Variants in NWD1 observed in about 807,000 individuals in gnomAD.
NWD1 encodes NACHT domain- and WD repeat-containing protein 1.
In NWD1, 129 loss-of-function variants were observed where a neutral mutation model predicts 135.1. The ratio of observed to expected loss-of-function variants is 0.96; its 90% CI spans 0.83 to 1.11. The LOEUF (loss-of-function observed/expected upper bound fraction) is 1.11, where lower values mean the gene tolerates loss of function less well. NWD1 is among the 50% of genes least tolerant of loss of function. The probability of loss-of-function intolerance (pLI) is 0.00; values close to 1 mark genes in which losing one functional copy is unlikely to be tolerated. For missense variants in NWD1, 1,740 were observed against 1,851.3 expected (o/e 0.94, Z 1.10); for synonymous variants, 773 against 786.0 (o/e 0.98, Z 0.28).
rs1970472678 is a variant in NWD1, at chr19:16,797,875, G to A, written c.3448G>A (p.Ala1150Thr). Residue 1150 changes from alanine to threonine, a missense_variant, in exon 16 of 19, where the codon GCG becomes ACG. Ala to Thr is a moderately conservative substitution (Grantham distance 58). Coordinates refer to ENST00000524140, the MANE Select transcript of NWD1 (RefSeq NM_001007525.5). Reference sequence around the variant, plus strand: ...CCTGATCATCACGGGGTCCCTTGATGCGCTCATTCAGGTGAGGGGAGATCT... The same window carrying A: ...CCTGATCATCACGGGGTCCCTTGATACGCTCATTCAGGTGAGGGGAGATCT... Reference protein sequence around the residue: ...NNLIITGSLDALIQVWSLSEQ... With the variant: ...NNLIITGSLDTLIQVWSLSEQ... The A allele has an allele frequency of 1.2e-6, 2 of 1,613,684 alleles. No individual in the cohort carries two copies. Among genetic ancestry groups the A allele is most frequent in the African/African-American group, 1.3e-5 (1 of 74,902 alleles).
chr19:16,782,333 G>A (rs116292069), intron 12 of NWD1, among the ~76,000 whole-genome samples: 2,957 of 151,138 alleles, frequency 0.02, 95 homozygotes, highest in African/African-American at 0.065. Context: ...AGGCATGGTG[G>A]TGTGCACCTG....
In NWD1 at chr19:16,744,648, C is replaced by T. The variant is rs759207349; in HGVS notation, c.426C>T (p.Arg142=). The change falls in exon 5 of 19, where the codon CGC becomes CGT. Residue 142 remains arginine, a synonymous_variant. Transcript: ENST00000524140. ...PEEATLTSVL[R]SGAQEARRLG... The stretch of plus-strand genomic sequence containing the variant: ...AGGCCACCTTAACTTCTGTCCTACG[C>T]TCTGGAGCCCAGGAGGCCCGGAGGC... 4.2e-5 allele frequency: 64 copies of T among 1,535,812 alleles called. No individual in the cohort carries two copies. The Middle Eastern group carries it at 5.0e-4, about 12-fold the overall frequency.
In NWD1 at chr19:16,807,744, C is replaced by T. The variant is rs530434388; in HGVS notation, c.3895C>T (p.Arg1299Trp). Reference sequence around the variant, plus strand: ...GATATGCATTCCCCCTCCCGAGGCCCGGAAAGCAATCAACTGCATGTCCCT... The same window carrying T: ...GATATGCATTCCCCCTCCCGAGGCCTGGAAAGCAATCAACTGCATGTCCCT... The part of the protein sequence containing the change: ...DVICIPPPEA[R>W]KAINCMSLSK... Residue 1299 changes from arginine to tryptophan, a missense_variant, in exon 18 of 19, where the codon CGG becomes TGG. Arg to Trp is a moderately radical substitution (Grantham distance 101). Transcript: ENST00000524140. 14 of 1,613,198 alleles carry T rather than the reference C, an allele frequency of 8.7e-6. No homozygotes were observed. The East Asian group carries it at 1.3e-4, about 15-fold the overall frequency.
chr19:16,740,642 ATT>A (rs1162769783), intron 4 of NWD1, among the ~76,000 whole-genome samples: 6 of 112,962 alleles, frequency 5.3e-5, no homozygotes, highest in African/African-American at 1.4e-4. Flanking sequence ...CCAGACTTCT[ATT>A]TTTTTTTTTT....
chr19:16,727,151 T>C (rs1453581544), intron 2 of NWD1: 1 of 152,074 alleles, frequency 6.6e-6, no homozygotes, highest in Non-Finnish European at 1.5e-5. Context: ...GGGACCCAGG[T>C]GTTCAAGAGG....
At chr19:16,727,616 C>T (rs951688067) in intron 2 of NWD1, 2 of 152,744 alleles carry the variant, frequency 1.3e-5, no homozygotes, top group African/African-American at 4.8e-5. Flanking sequence ...TGAAGCCGGC[C>T]CCCTCCCAGC....
chr19:16,768,388 C>T (rs896515108), intron 10 of NWD1, among the ~76,000 whole-genome samples: 7 of 151,994 alleles, frequency 4.6e-5, no homozygotes, highest in Admixed American at 1.3e-4. Context: ...TTTGTTTATC[C>T]GTTCATCTGT....
chr19:16,782,076 A>G (rs1311923148), intron 12 of NWD1, among the ~76,000 whole-genome samples: 1 of 149,116 alleles, frequency 6.7e-6, no homozygotes. Flanking sequence ...CCTGGGCGAC[A>G]GAGTGAGACT....
chr19:16,807,520 C>G, intron 17 of NWD1, 66 bp from the exon 18 acceptor site: 3 of 1,339,776 alleles, frequency 2.2e-6, no homozygotes, highest in Non-Finnish European at 2.0e-6. Context: ...AAAAAAACCA[C>G]CAGGGAAGCA....
intron 11 of NWD1, among the ~76,000 whole-genome samples, chr19:16,775,887 C>G (rs1423742080): frequency 1.3e-5 from 2 of 152,082 alleles, no homozygotes; most frequent in Non-Finnish European, 1.5e-5. Context: ...AGGCTGGTCT[C>G]AAACTCCTGA....
chr19:16,778,481 TC>T (rs1969734642), intron 11 of NWD1, among the ~76,000 whole-genome samples: 1 of 42,204 alleles, frequency 2.4e-5, no homozygotes, highest in Non-Finnish European at 4.3e-5. Context: ...TTTTCTTTCT[TC>T]TTCTTCTTCT....
In NWD1 at chr19:16,815,507, T is replaced by A; in HGVS notation, c.*468T>A. Reference sequence around the variant, plus strand: ...CCATTATTCTTTCCTCTTTTTCATTTTCATTCTCAGACTTGCCACCCCCAG... The same window carrying A: ...CCATTATTCTTTCCTCTTTTTCATTATCATTCTCAGACTTGCCACCCCCAG... On this transcript the variant is annotated 3_prime_UTR_variant, in exon 19 of 19. Transcript: ENST00000524140. 1.8e-6 allele frequency: 1 copy of A among 559,702 alleles called. No homozygotes were observed. The highest frequency in any genetic ancestry group is 3.0e-5 in the East Asian group (1 of 33,656). 34.7% of individuals were successfully genotyped at this position (559,702 alleles called of 1,614,324 possible).
At chr19:16,781,945 T>G (rs1416912702) in intron 12 of NWD1, among the ~76,000 whole-genome samples, 1 of 150,944 alleles carries the variant, frequency 6.6e-6, no homozygotes. Flanking sequence ...ACAAAAAAAA[T>G]TAGCTGGGCG....
In NWD1 at chr19:16,815,530, C is replaced by A. The variant is rs190567880; in HGVS notation, c.*491C>A. 6.9e-4 allele frequency: 376 copies of A among 541,874 alleles called. 2 individuals are homozygous for A. The highest frequency in any genetic ancestry group is 6.6e-3 in the African/African-American group (349 of 52,714). 33.6% of individuals were successfully genotyped at this position (541,874 alleles called of 1,614,324 possible). A position where few individuals can be genotyped will look rare whatever the true frequency, so the allele number is the denominator to read the frequency against. On this transcript the variant is annotated 3_prime_UTR_variant, in exon 19 of 19. Transcript: ENST00000524140. ...TTTTCATTCTCAGACTTGCCACCCC[C>A]AGGTTAGCAACATGGTGGCCAATAT...
Position 16,750,429 on chromosome 19 carries a change from G to A in NWD1, c.1769+18G>A. 1 of 1,507,646 alleles carries A rather than the reference G, an allele frequency of 6.6e-7. No homozygotes were observed. The highest frequency in any genetic ancestry group is 8.9e-7 in the Non-Finnish European group (1 of 1,128,728). 93.4% of individuals were successfully genotyped at this position (1,507,646 alleles called of 1,614,324 possible). On this transcript the variant is annotated intron_variant, in intron 6 of 18. Coordinates refer to ENST00000524140, the MANE Select transcript of NWD1 (RefSeq NM_001007525.5). ...TCTTCCCGGTAAGTCTCTGTGTTTT[G>A]AAACTCTTATTTATTTATTTATGTT...
chr19:16,791,595 C>T lies in NWD1; in HGVS notation c.3186C>T (p.Thr1062=), dbSNP rs757264930. 16 of 1,614,024 alleles carry T rather than the reference C, an allele frequency of 9.9e-6. No individual in the cohort carries two copies. Among genetic ancestry groups the T allele is most frequent in the East Asian group, 2.2e-5 (1 of 44,888 alleles). Residue 1062 remains threonine (T), a synonymous_variant, in exon 14 of 19, where the codon ACC becomes ACT. Transcript: ENST00000524140. The part of the protein sequence containing the change: ...VSVQKQGKLV[T]GFSNGSISLV... ...TCCAGAAGCAAGGAAAGCTTGTTACCGGGTTTAGCAATGGCTCCATCTCTT... is the reference window on the plus strand; with the variant it reads ...TCCAGAAGCAAGGAAAGCTTGTTACTGGGTTTAGCAATGGCTCCATCTCTT...
intron 2 of NWD1, among the ~76,000 whole-genome samples, chr19:16,730,178 C>T (rs1967499806): frequency 6.6e-6 from 1 of 151,876 alleles, no homozygotes; most frequent in African/African-American, 2.4e-5. Context: ...AAAAATTAGC[C>T]AGGTGTGGTG....
intron 10 of NWD1, among the ~76,000 whole-genome samples, chr19:16,771,350 T>C (rs1400399549): frequency 6.6e-6 from 1 of 152,092 alleles, no homozygotes; most frequent in Non-Finnish European, 1.5e-5. Context: ...CTTGGGAGGC[T>C]GAGGCACGAA....
At chr19:16,732,266 G>A (rs1257888554) in intron 3 of NWD1, among the ~76,000 whole-genome samples, 1 of 151,388 alleles carries the variant, frequency 6.6e-6, no homozygotes, top group African/African-American at 2.4e-5. Flanking sequence ...CATGTGCACC[G>A]TGCTTGGTTA....
Sources: allele counts gnomAD v4.1 joint callset (sites outside exome capture counted in the v4.1 genomes callset), GRCh38; gene constraint gnomAD v4.1.1; transcripts MANE v1.5; gene names NCBI Gene and HGNC (gene_info 2026-07-23, HGNC 2026-07-21).